RPTOR: variants seen among roughly 807,000 people sequenced by gnomAD.
The protein encoded by RPTOR is regulatory-associated protein of mTOR.
In RPTOR, 21 loss-of-function variants were observed where a neutral mutation model predicts 169.9. The ratio of observed to expected loss-of-function variants is 0.12; its 90% CI spans 0.09 to 0.18. RPTOR has a LOEUF of 0.18. Among genes scored for constraint, RPTOR ranks in the 10% least tolerant of loss-of-function variants. The pLI is 1.00. For synonymous variants in RPTOR, 732 were observed against 753.2 expected (o/e 0.97, Z 0.46); for missense variants, 1,133 against 1,855.9 (o/e 0.61, Z 7.16).
At chr17:80,963,836 C>CCG in intron 33 of RPTOR, among the ~76,000 whole-genome samples, 2 of 152,148 alleles carry the variant, frequency 1.3e-5, no homozygotes, top group Non-Finnish European at 2.9e-5. Flanking sequence ...AGTCCTCACC[C>CCG]TGTCCCCTGT....
At chr17:80,831,594 C>T (rs137928001) in intron 9 of RPTOR, among the ~76,000 whole-genome samples, 2 of 152,326 alleles carry the variant, frequency 1.3e-5, no homozygotes, top group East Asian at 3.9e-4. Context: ...CCATCGGAAT[C>T]CCGCCGAGGC....
At chr17:80,648,499 G>A (rs1334159098) in intron 3 of RPTOR, among the ~76,000 whole-genome samples, 1 of 152,024 alleles carries the variant, frequency 6.6e-6, no homozygotes, top group Non-Finnish European at 1.5e-5. Context: ...GTGACAAACT[G>A]TGAAACCCTT....
intron 3 of RPTOR, among the ~76,000 whole-genome samples, chr17:80,664,318 C>A (rs2065747166): frequency 6.6e-6 from 1 of 152,048 alleles, no homozygotes. Flanking sequence ...ATTTTTTTCC[C>A]TAAGTAACAG....
chr17:80,672,844 T>C (rs954506855), intron 3 of RPTOR, among the ~76,000 whole-genome samples: 3 of 152,190 alleles, frequency 2.0e-5, no homozygotes, highest in Admixed American at 2.0e-4. Flanking sequence ...CAAGACACTT[T>C]TGTAAATGAC....
chr17:80,908,160 T>C (rs766547507), intron 20 of RPTOR, among the ~76,000 whole-genome samples: 7 of 152,236 alleles, frequency 4.6e-5, no homozygotes, highest in Non-Finnish European at 8.8e-5. Context: ...ACCAGTGTTA[T>C]TTATAAATGA....
chr17:80,573,211 T>A (rs1184928972), intron 1 of RPTOR, among the ~76,000 whole-genome samples: 3 of 152,228 alleles, frequency 2.0e-5, no homozygotes, highest in Non-Finnish European at 4.4e-5. Context: ...AAGGAAGCAC[T>A]TGTTTTTCTT....
At chr17:80,667,067 G>A (rs138113285) in intron 3 of RPTOR, among the ~76,000 whole-genome samples, 37 of 152,250 alleles carry the variant, frequency 2.4e-4, no homozygotes, top group African/African-American at 6.5e-4. Context: ...CAATAACCCC[G>A]GGAGGAAGGC....
In RPTOR at chr17:80,958,200, C is replaced by G. The variant is rs567811316; in HGVS notation, c.3477+470C>G. 9.1e-4 allele frequency among the ~76,000 whole-genome samples: 36 copies of G among 39,686 alleles called. No homozygotes were observed. The South Asian group carries it at 0.021, about 23-fold the overall frequency. 26.0% of individuals were successfully genotyped at this position (39,686 alleles called of 152,430 possible). A position where few individuals can be genotyped will look rare whatever the true frequency, so the allele number is the denominator to read the frequency against. ...GTCCAAGTGATCCTCCCACCTCACC[C>G]CCCCCCCCCACCACCAAGTAGCTGG... On this transcript the variant is annotated intron_variant, in intron 29 of 33. Coordinates refer to ENST00000306801, the MANE Select transcript of RPTOR (RefSeq NM_020761.3).
chr17:80,865,555 TA>T (rs1470385456), intron 13 of RPTOR, among the ~76,000 whole-genome samples: 1 of 152,078 alleles, frequency 6.6e-6, no homozygotes, highest in African/African-American at 2.4e-5. Flanking sequence ...ACAATAAAGA[TA>T]GACATTTCAT....
chr17:80,811,456 T>G (rs1445524881), intron 7 of RPTOR, among the ~76,000 whole-genome samples: 1 of 152,222 alleles, frequency 6.6e-6, no homozygotes, highest in East Asian at 1.9e-4. Context: ...TACCCTTGGA[T>G]AGATTGCGGG....
At chr17:80,906,324 C>A (rs2143925914) in intron 20 of RPTOR, among the ~76,000 whole-genome samples, 1 of 152,280 alleles carries the variant, frequency 6.6e-6, no homozygotes, top group South Asian at 2.1e-4. Flanking sequence ...TTCCTACAGT[C>A]TGGACCGATT....
At chr17:80,564,124 G>T (rs1463083918) in intron 1 of RPTOR, among the ~76,000 whole-genome samples, 1 of 151,428 alleles carries the variant, frequency 6.6e-6, no homozygotes, top group Non-Finnish European at 1.5e-5. Flanking sequence ...GTGCAGTGGT[G>T]TGATCTGGGC....
At chr17:80,660,178 G>T (rs1174533878) in intron 3 of RPTOR, among the ~76,000 whole-genome samples, 1 of 151,810 alleles carries the variant, frequency 6.6e-6, no homozygotes, top group Non-Finnish European at 1.5e-5. Context: ...GGCTGAGGTA[G>T]GAGAATTGCT....
rs746310792 is a variant in RPTOR, at chr17:80,925,488, C to T, written c.2919+8C>T. On this transcript the variant is annotated splice_region_variant and intron_variant, in intron 24 of 33. Coordinates refer to ENST00000306801, the MANE Select transcript of RPTOR (RefSeq NM_020761.3). ...GCCCAGCCCGTCATGAAGGTGCGCCCGGGGTGTGGGGTTCAGAGTAGAGTC... is the reference window on the plus strand; with the variant it reads ...GCCCAGCCCGTCATGAAGGTGCGCCTGGGGTGTGGGGTTCAGAGTAGAGTC... 38 of 1,608,728 alleles carry T rather than the reference C, an allele frequency of 2.4e-5. No homozygotes were observed. In the Admixed American group the frequency reaches 2.7e-4, roughly 11 times the overall value.
intron 10 of RPTOR, among the ~76,000 whole-genome samples, chr17:80,841,675 C>G (rs2067662854): frequency 7.7e-6 from 1 of 129,128 alleles, no homozygotes. Flanking sequence ...CGCCGCAGCT[C>G]ACACTCACCG....
chr17:80,940,396 G>A (rs1341047158), intron 24 of RPTOR, 100 bp from the exon 25 acceptor site: 2 of 926,688 alleles, frequency 2.2e-6, no homozygotes, highest in Non-Finnish European at 1.6e-6. Context: ...AGCCGCGCAG[G>A]TTTTGCTATC....
At chr17:80,775,073 G>A (rs994502919) in intron 6 of RPTOR, among the ~76,000 whole-genome samples, 12 of 152,076 alleles carry the variant, frequency 7.9e-5, no homozygotes, top group Non-Finnish European at 1.3e-4. Context: ...CCCCTCAGCC[G>A]CCCCACAAGC....
rs76413158 is a variant in RPTOR at position 80,776,749 on chromosome 17, G to A, written c.831-14701G>A. 6.6e-4 allele frequency among the ~76,000 whole-genome samples: 101 copies of A among 152,318 alleles called. No homozygotes were observed. In the East Asian group the frequency reaches 0.018, roughly 27 times the overall value. ...AATGTTCCTTACTTTGCATATTGCAGGGGAAAGACTGTATTCTGCAGGTCC... is the reference window on the plus strand; with the variant it reads ...AATGTTCCTTACTTTGCATATTGCAAGGGAAAGACTGTATTCTGCAGGTCC... On this transcript the variant is annotated intron_variant, in intron 6 of 33. Coordinates refer to ENST00000306801, the MANE Select transcript of RPTOR (RefSeq NM_020761.3).
intron 23 of RPTOR, chr17:80,924,022 C>T (rs1290747635): frequency 2.9e-6 from 1 of 342,068 alleles, no homozygotes; most frequent in Admixed American, 4.5e-5. Context: ...AGTTACCTGG[C>T]TCTGCCCTTC....
Sources: gnomAD v4.1 joint callset for allele counts (sites outside exome capture counted in the v4.1 genomes callset) on GRCh38, gnomAD v4.1.1 for gene constraint, MANE v1.5 for transcripts, NCBI Gene and HGNC (gene_info 2026-07-23, HGNC 2026-07-21) for gene names.